The following GALC variants were observed in gnomAD, a reference collection of about 807,000 sequenced individuals.
GALC encodes galactosylceramidase.
GALC carries 77 observed loss-of-function variants against 91.8 expected under a neutral mutation model. The observed-to-expected ratio is 0.84, with a 90% CI of 0.70 to 1.01. The LOEUF is 1.01. Ranked by LOEUF, GALC falls within the 50% of genes least tolerant of loss-of-function variation. GALC has a pLI of 0.00. For missense variants in GALC, 882 were observed against 855.9 expected (o/e 1.03, Z -0.38); for synonymous variants, 357 against 306.7 (o/e 1.16, Z -1.71).
intron 8 of GALC, among the ~76,000 whole-genome samples, chr14:87,966,326 A>C (rs1886052499): frequency 1.3e-5 from 2 of 152,164 alleles, no homozygotes; most frequent in Non-Finnish European, 2.9e-5. Flanking sequence ...TCAGATGATC[A>C]GGCCCTAACA....
chr14:87,942,208 G>C (rs1021784392), intron 14 of GALC, among the ~76,000 whole-genome samples: 2 of 151,884 alleles, frequency 1.3e-5, no homozygotes, highest in Non-Finnish European at 2.9e-5. Flanking sequence ...AGTACATCTG[G>C]GGCAGCCCCT....
Position 87,933,694 on chromosome 14 carries a change from A to G in GALC, c.*1038T>C, listed in dbSNP as rs941881990. On this transcript the variant is annotated 3_prime_UTR_variant, in exon 17 of 17. Transcript: ENST00000261304. ...TACCTACATGAATAACTGATTTGCT[A>G]CATAGAGCCACATTAATGCTTAGTA... 3.0e-6 allele frequency: 1 copy of G among 337,990 alleles called. No homozygotes were observed. Among genetic ancestry groups the G allele is most frequent in the Admixed American group, 4.5e-5 (1 of 22,036 alleles). 20.9% of individuals were successfully genotyped at this position (337,990 alleles called of 1,614,324 possible).
Position 87,939,011 on chromosome 14 carries a change from G to A in GALC, c.1911+894C>T, listed in dbSNP as rs569610653. On this transcript the variant is annotated intron_variant, in intron 16 of 16. Transcript: ENST00000261304. ...CTTCAGAGAAGAGAAAATACAAATA[G>A]CCAGTAAACATTAGATGTGCAAGCT... 1.4e-4 allele frequency among the ~76,000 whole-genome samples: 21 copies of A among 151,822 alleles called. No homozygotes were observed. In the South Asian group the frequency reaches 4.4e-3, roughly 31 times the overall value.
Position 87,933,034 on chromosome 14 carries a change from A to G in GALC, c.*1698T>C, listed in dbSNP as rs1244772902. ...AAAGATTGTAAATGTAGACAGTTTT[A>G]ATTGTAGTATCAGAAACTGGTGGGG... On this transcript the variant is annotated 3_prime_UTR_variant, in exon 17 of 17. Transcript: ENST00000261304. 1 of 152,184 alleles carries G rather than the reference A, an allele frequency of 6.6e-6. No individual in the cohort carries two copies. Among genetic ancestry groups the G allele is most frequent in the Non-Finnish European group, 1.5e-5 (1 of 68,024 alleles). 9.4% of individuals were successfully genotyped at this position (152,184 alleles called of 1,614,324 possible). A position where few individuals can be genotyped will look rare whatever the true frequency, so the allele number is the denominator to read the frequency against.
intron 6 of GALC, among the ~76,000 whole-genome samples, chr14:87,979,832 A>G (rs759158600): frequency 6.6e-6 from 1 of 152,138 alleles, no homozygotes; most frequent in Non-Finnish European, 1.5e-5. Context: ...ACATGCACCA[A>G]CTTGGCTTCT....
chr14:87,965,499 C>T lies in GALC; in HGVS notation c.1033+6G>A. On this transcript the variant is annotated splice_donor_region_variant and intron_variant, in intron 9 of 16. Transcript: ENST00000261304. ...TTAGGGAGTGAGAGATGGAACTGAA[C>T]CATACCTGATACCCAGACAGGAGAT... The T allele has an allele frequency of 6.2e-7, 1 of 1,613,266 alleles. No individual in the cohort carries two copies.
intron 10 of GALC, among the ~76,000 whole-genome samples, chr14:87,952,332 C>T (rs927923707): frequency 2.0e-5 from 3 of 151,814 alleles, no homozygotes; most frequent in Non-Finnish European, 4.4e-5. Context: ...AGAGGCAAGG[C>T]ATGAAATAGC....
intron 12 of GALC, among the ~76,000 whole-genome samples, 187 bp downstream of exon 12, chr14:87,949,657 AT>A (rs1158913427): frequency 1.3e-5 from 2 of 152,036 alleles, no homozygotes; most frequent in East Asian, 3.9e-4. Context: ...TGGGACTTAA[AT>A]TTCCAACCTG....
intron 10 of GALC, among the ~76,000 whole-genome samples, chr14:87,956,585 C>CCAT (rs1566982206): frequency 1.1e-4 from 15 of 137,154 alleles, no homozygotes; most frequent in Non-Finnish European, 2.0e-4. Context: ...ACACACACAC[C>CCAT]ATATATATAC....
chr14:87,992,769 C>G, intron 1 of GALC: 2 of 1,417,354 alleles, frequency 1.4e-6, no homozygotes, highest in Non-Finnish European at 1.8e-6. Context: ...AACTGCCTGT[C>G]TGGTTCGTGT....
At chr14:87,983,993 A>G (rs79533795) in intron 5 of GALC, among the ~76,000 whole-genome samples, 17,194 of 152,224 alleles carry the variant, frequency 0.11, 1,140 homozygotes, top group Non-Finnish European at 0.16. Flanking sequence ...CCTTTAATAA[A>G]AAGTTTGCCA....
At chr14:87,963,227 G>A (rs966319270) in intron 10 of GALC, 157 bp downstream of exon 10, 11 of 687,570 alleles carry the variant, frequency 1.6e-5, no homozygotes, top group Middle Eastern at 3.7e-4. Context: ...TATGTTTTAC[G>A]ACTCATGGCT....
intron 6 of GALC, among the ~76,000 whole-genome samples, chr14:87,978,345 C>T (rs541737103): frequency 8.5e-5 from 13 of 152,278 alleles, no homozygotes; most frequent in Admixed American, 5.2e-4. Flanking sequence ...CCACTCCACC[C>T]GGCCTCTTTA....
chr14:87,992,733 C>G, intron 1 of GALC: 1 of 1,423,186 alleles, frequency 7.0e-7, no homozygotes, highest in South Asian at 1.5e-5. Flanking sequence ...CTCTCTGGAC[C>G]TCCGGATCCT....
intron 4 of GALC, 139 bp downstream of exon 4, chr14:87,986,350 C>T (rs578179939): frequency 2.0e-5 from 14 of 692,912 alleles, no homozygotes; most frequent in Admixed American, 4.1e-5. Context: ...CTGGCACATG[C>T]TTTGCTGCTG....
chr14:87,947,181 T>C (rs1199511322), intron 13 of GALC, among the ~76,000 whole-genome samples: 1 of 152,048 alleles, frequency 6.6e-6, no homozygotes, highest in East Asian at 1.9e-4. Flanking sequence ...CCATGTCTTC[T>C]AACTTTTTTC....
At chr14:87,934,937 T>G in intron 16 of GALC, 59 bp from the exon 17 acceptor site, 1 of 1,303,976 alleles carries the variant, frequency 7.7e-7, no homozygotes, top group South Asian at 1.2e-5. Flanking sequence ...CTGAAGTCTG[T>G]TTCTTGATCA....
At chr14:87,949,574 T>C (rs1885219345) in intron 12 of GALC, among the ~76,000 whole-genome samples, 5 of 151,918 alleles carry the variant, frequency 3.3e-5, no homozygotes, top group African/African-American at 1.2e-4. Context: ...AAGAGAAATG[T>C]GTGGATACAA....
At position 87,941,209 on chromosome 14, in the gene GALC, ATCTC is replaced by A. The variant is rs1566968744; in HGVS notation, c.1834+182_1834+185del. Among the ~76,000 whole-genome samples, 8 of 151,820 alleles carry A rather than the reference ATCTC, an allele frequency of 5.3e-5. No individual in the cohort carries two copies. In the East Asian group the frequency reaches 1.6e-3, roughly 29 times the overall value. On this transcript the variant is annotated intron_variant, in intron 15 of 16. Coordinates refer to ENST00000261304, the MANE Select transcript of GALC (RefSeq NM_000153.4). ...TTTTCCCTTCCACAGAGCTGCCCCCATCTCTAGGAATTAAATAACTTTCTATAAT... is the reference window on the plus strand; with the variant it reads ...TTTTCCCTTCCACAGAGCTGCCCCCATAGGAATTAAATAACTTTCTATAAT...
Sources: allele counts gnomAD v4.1 joint callset (sites outside exome capture counted in the v4.1 genomes callset), GRCh38; gene constraint gnomAD v4.1.1; transcripts MANE v1.5; gene names NCBI Gene and HGNC (gene_info 2026-07-23, HGNC 2026-07-21).